SLC26A11: variants seen among roughly 807,000 people sequenced by gnomAD.
SLC26A11 encodes sodium-independent sulfate anion transporter.
SLC26A11 carries 58 observed loss-of-function variants against 62.2 expected under a neutral mutation model. That is an observed-to-expected ratio of 0.93 (90% CI 0.76 to 1.16). SLC26A11 has a LOEUF of 1.16. SLC26A11 is among the 50% of genes most tolerant of loss of function. The probability of loss-of-function intolerance (pLI) is 0.00; values close to 1 mark genes in which losing one functional copy is unlikely to be tolerated. For synonymous variants in SLC26A11, 411 were observed against 368.9 expected (o/e 1.11, Z -1.31); for missense variants, 790 against 794.3 (o/e 0.99, Z 0.06).
In SLC26A11 at chr17:80,252,625, A is replaced by G. The variant is rs189596202; in HGVS notation, c.1730A>G (p.Glu577Gly). The change falls in exon 18 of 18, where the codon GAG becomes GGG. Residue 577 changes from glutamate to glycine, a missense_variant and splice_region_variant. Coordinates refer to ENST00000361193, the MANE Select transcript of SLC26A11 (RefSeq NM_001166347.2). This position sits in a 1 kb window ranked among gnomAD's most constrained non-coding sequence, Gnocchi z 5.2. ...GAAACATTTATTGTATTTTCTGCAG[A>G]GAAGCACCTGAGGCAGGAGCCAGGG... ...FQYFSTLEEA[E>G]KHLRQEPGTQ... 6.8e-6 allele frequency: 11 copies of G among 1,613,660 alleles called. No homozygotes were observed. The East Asian group carries it at 2.5e-4, about 36-fold the overall frequency.
At chr17:80,238,407 C>T (rs6420489) in intron 9 of SLC26A11, among the ~76,000 whole-genome samples, 70,946 of 151,994 alleles carry the variant, frequency 0.47, 16,706 homozygotes, top group East Asian at 0.62. Context: ...TGTTTAGTAA[C>T]AGGCTCACAA....
intron 17 of SLC26A11, among the ~76,000 whole-genome samples, chr17:80,251,955 G>A (rs2043168830): frequency 6.6e-6 from 1 of 152,048 alleles, no homozygotes; most frequent in African/African-American, 2.4e-5. Flanking sequence ...CAGAAGGTTG[G>A]AAGGATGTCC....
At chr17:80,224,464 AGT>A (rs747690307) in intron 5 of SLC26A11, among the ~76,000 whole-genome samples, 18 of 150,808 alleles carry the variant, frequency 1.2e-4, no homozygotes, top group African/African-American at 2.7e-4. Context: ...TGAGAGTGTG[AGT>A]GTGTGAGTGT....
intron 5 of SLC26A11, among the ~76,000 whole-genome samples, chr17:80,224,248 AGTGT>A (rs33977934): frequency 0.27 from 39,170 of 147,756 alleles, 5,611 homozygotes; most frequent in Admixed American, 0.44. Context: ...GGTTTGAGGG[AGTGT>A]GTGAGTGTGT....
At chr17:80,235,958 T>C (rs535855448) in intron 7 of SLC26A11, among the ~76,000 whole-genome samples, 112 of 152,348 alleles carry the variant, frequency 7.4e-4, no homozygotes, top group Non-Finnish European at 1.5e-3. Flanking sequence ...AATGTCAGGT[T>C]TTATGCAATA....
At position 80,237,078 on chromosome 17, in the gene SLC26A11, C is replaced by A; in HGVS notation, c.887C>A (p.Thr296Lys). 1.9e-6 allele frequency: 3 copies of A among 1,613,114 alleles called. No individual in the cohort carries two copies. Among genetic ancestry groups the A allele is most frequent in the Non-Finnish European group, 2.5e-6 (3 of 1,179,494 alleles). The change falls in exon 8 of 18, where the codon ACG (threonine) becomes AAG (lysine). Residue 296 changes from threonine (T) to lysine (K), a missense_variant. Transcript: ENST00000361193. ...TTCTCAGTGACCACAGCCAACGGGACGATCTCCTTCACCGAGATGGTGCAG... is the reference window on the plus strand; with the variant it reads ...TTCTCAGTGACCACAGCCAACGGGAAGATCTCCTTCACCGAGATGGTGCAG... ...PPFSVTTANG[T>K]ISFTEMVQDM...
Position 80,246,296 on chromosome 17 carries a change from C to T in SLC26A11, c.1153+87C>T, listed in dbSNP as rs1469128134. The T allele has an allele frequency of 2.0e-6, 3 of 1,515,060 alleles. No individual in the cohort carries two copies. Among genetic ancestry groups the T allele is most frequent in the East Asian group, 2.3e-5 (1 of 44,408 alleles). 93.9% of individuals were successfully genotyped at this position (1,515,060 alleles called of 1,614,324 possible). Reference sequence around the variant, plus strand: ...GGCCCACAGAGACGTCCCTTTGGCTCATGGGCCGTGCGCCCCGGGACTGCA... The same window carrying T: ...GGCCCACAGAGACGTCCCTTTGGCTTATGGGCCGTGCGCCCCGGGACTGCA... On this transcript the variant is annotated intron_variant, in intron 12 of 17. Transcript: ENST00000361193. This position sits in a 1 kb window ranked among gnomAD's most constrained non-coding sequence, Gnocchi z 4.4.
Position 80,222,854 on chromosome 17 carries a change from C to T in SLC26A11, c.427+7C>T. 1.9e-6 allele frequency: 3 copies of T among 1,612,846 alleles called. No individual in the cohort carries two copies. Among genetic ancestry groups the T allele is most frequent in the African/African-American group, 2.7e-5 (2 of 74,994 alleles). Reference sequence around the variant, plus strand: ...ATGGGGGTCCTGCGTTTGGGTGAGGCTCTACCTTCTTGCCAAGGGGATGCC... The same window carrying T: ...ATGGGGGTCCTGCGTTTGGGTGAGGTTCTACCTTCTTGCCAAGGGGATGCC... On this transcript the variant is annotated splice_region_variant and intron_variant, in intron 4 of 17. Transcript: ENST00000361193. The surrounding 1 kb of genome is among the most constrained non-coding windows in gnomAD (Gnocchi z 4.7).
In SLC26A11 at chr17:80,253,278, T is replaced by C. The variant is rs2043194679; in HGVS notation, c.*562T>C. 1 of 152,892 alleles carries C rather than the reference T, an allele frequency of 6.5e-6. No individual in the cohort carries two copies. The highest frequency in any genetic ancestry group is 1.5e-5 in the Non-Finnish European group (1 of 68,524). The allele number at this position is 152,892 out of a possible 1,614,324, so 9.5% of individuals were successfully genotyped here. A position where few individuals can be genotyped will look rare whatever the true frequency, so the allele number is the denominator to read the frequency against. On this transcript the variant is annotated 3_prime_UTR_variant, in exon 18 of 18. Transcript: ENST00000361193. ...ATTTTGTAAAAGTCATAAATGCTTA[T>C]TGTAAAAAATACAGGAAACCACCCC...
In SLC26A11 at chr17:80,246,612, C is replaced by T. The variant is rs182802137; in HGVS notation, c.1257C>T (p.Phe419=). 20 of 1,613,936 alleles carry T rather than the reference C, an allele frequency of 1.2e-5. No individual in the cohort carries two copies. Among genetic ancestry groups the T allele is most frequent in the African/African-American group, 2.7e-5 (2 of 75,054 alleles). ...TCATCATGGCCGTGGCCCCGCTGTT[C>T]GACACCAAGATCTTCAGGACGCTCT... ...AVIIMAVAPL[F]DTKIFRTLWR... The change falls in exon 13 of 18, where the codon TTC becomes TTT. Residue 419 remains phenylalanine, a synonymous_variant. Coordinates refer to ENST00000361193, the MANE Select transcript of SLC26A11 (RefSeq NM_001166347.2). This position sits in a 1 kb window ranked among gnomAD's most constrained non-coding sequence, Gnocchi z 4.4.
chr17:80,244,465 T>C (rs1233059764), intron 10 of SLC26A11, among the ~76,000 whole-genome samples: 1 of 152,130 alleles, frequency 6.6e-6, no homozygotes, highest in African/African-American at 2.4e-5. Context: ...CACCCCCTCC[T>C]GGGTGGTGAG....
At position 80,222,085 on chromosome 17, in the gene SLC26A11, A is replaced by G. The variant is rs937783257; in HGVS notation, c.234+291A>G. ...GTGAAACCCCGTCTCCACTAAAAAT[A>G]CAAAAATTAGGCTGGGTGCGGTGGC... On this transcript the variant is annotated intron_variant, in intron 3 of 17. Coordinates refer to ENST00000361193, the MANE Select transcript of SLC26A11 (RefSeq NM_001166347.2). The surrounding 1 kb of genome is among the most constrained non-coding windows in gnomAD (Gnocchi z 4.7). 3.1e-5 allele frequency: 12 copies of G among 384,250 alleles called. No individual in the cohort carries two copies. The highest frequency in any genetic ancestry group is 4.6e-6 in the Non-Finnish European group (1 of 216,452). 23.8% of individuals were successfully genotyped at this position (384,250 alleles called of 1,614,324 possible). A position where few individuals can be genotyped will look rare whatever the true frequency, so the allele number is the denominator to read the frequency against.
rs376299076 is a variant in SLC26A11 at position 80,248,153 on chromosome 17, G to A, written c.1318G>A (p.Val440Met). 2.1e-5 allele frequency: 34 copies of A among 1,605,270 alleles called. No homozygotes were observed. The African/African-American group carries it at 3.6e-4, about 17-fold the overall frequency. Residue 440 changes from valine (V) to methionine (M), a missense_variant, in exon 14 of 18, where the codon GTG becomes ATG. Transcript: ENST00000361193. ...AGGGCTGGACCTGCTGCCCCTGTGCGTGACCTTCCTGCTGTGCTTCTGGGA... is the reference window on the plus strand; with the variant it reads ...AGGGCTGGACCTGCTGCCCCTGTGCATGACCTTCCTGCTGTGCTTCTGGGA... ...VKRLDLLPLC[V>M]TFLLCFWEVQ...
chr17:80,245,073 G>T, intron 10 of SLC26A11, 123 bp from the exon 11 acceptor site: 1 of 805,992 alleles, frequency 1.2e-6, no homozygotes, highest in East Asian at 2.7e-5. Context: ...CAGGCCCCCA[G>T]GATGATTCTC....
intron 5 of SLC26A11, among the ~76,000 whole-genome samples, chr17:80,224,418 TGAGTGA>T (rs1233523346): frequency 7.3e-6 from 1 of 136,224 alleles, no homozygotes; most frequent in Non-Finnish European, 1.6e-5. Context: ...TGAGTGTGAG[TGAGTGA>T]GAGTGGGTGT....
Position 80,223,613 on chromosome 17 carries a change from G to A in SLC26A11, c.513+276G>A, listed in dbSNP as rs118084276. Among the ~76,000 whole-genome samples the A allele has an allele frequency of 5.2e-3, 798 of 152,236 alleles. 5 individuals carry two copies. The highest frequency in any genetic ancestry group is 8.9e-3 in the Non-Finnish European group (604 of 68,016). ...TCCCCCTGCTCTTGCCCGAGTTTCC[G>A]TGCCAGTGTGCTTGGCTGGCTCTGT... On this transcript the variant is annotated intron_variant, in intron 5 of 17. Coordinates refer to ENST00000361193, the MANE Select transcript of SLC26A11 (RefSeq NM_001166347.2). This position sits in a 1 kb window ranked among gnomAD's most constrained non-coding sequence, Gnocchi z 4.6.
chr17:80,248,436 A>G (rs7501789), intron 14 of SLC26A11, 139 bp from the exon 15 acceptor site: 318,181 of 1,241,112 alleles, frequency 0.26, 42,296 homozygotes, highest in Admixed American at 0.37. Context: ...TGTGGGGGCC[A>G]TGGGGGTCTC....
chr17:80,227,378 G>A (rs188887505), intron 6 of SLC26A11, among the ~76,000 whole-genome samples: 36 of 152,314 alleles, frequency 2.4e-4, no homozygotes, highest in Non-Finnish European at 4.9e-4. Context: ...TCACTCACCA[G>A]ATCCTGTTCC....
rs2042460326 is a variant in SLC26A11, at chr17:80,228,047, C to T, written c.736+87C>T. ...GTCCTAGTCCCACCCTAGGGATTCT[C>T]ACGTCATTGGTCTGGGTGTCACTTG... On this transcript the variant is annotated intron_variant, in intron 7 of 17. Transcript: ENST00000361193. The surrounding 1 kb of genome is among the most constrained non-coding windows in gnomAD (Gnocchi z 4.1). 4.0e-6 allele frequency: 5 copies of T among 1,257,836 alleles called. No individual in the cohort carries two copies. Among genetic ancestry groups the T allele is most frequent in the Admixed American group, 4.2e-5 (2 of 48,008 alleles). The allele number at this position is 1,257,836 out of a possible 1,614,324, so 77.9% of individuals were successfully genotyped here.
Sources: gnomAD v4.1 joint callset for allele counts (sites outside exome capture counted in the v4.1 genomes callset) on GRCh38, gnomAD v4.1.1 for gene constraint, Gnocchi (gnomAD v3.1) non-coding constraint, MANE v1.5 for transcripts, NCBI Gene and HGNC (gene_info 2026-07-23, HGNC 2026-07-21) for gene names.